Variants in ADORA1 observed in about 807,000 individuals in gnomAD.
The protein encoded by ADORA1 is adenosine receptor A1.
Under a neutral mutation model 19.9 loss-of-function variants are expected in ADORA1, and 6 were observed. The observed-to-expected ratio is 0.30, with a 90% CI of 0.17 to 0.59. ADORA1 has a LOEUF of 0.59. Ranked by LOEUF, ADORA1 falls within the 20% of genes least tolerant of loss-of-function variation. The pLI, the probability that ADORA1 is intolerant of heterozygous loss-of-function variation, is 0.87. For synonymous variants in ADORA1, 194 were observed against 188.4 expected, an observed-to-expected ratio of 1.03 and a Z score of -0.24; for missense variants, 302 against 439.2, an observed-to-expected ratio of 0.69 and a Z score of 2.79.
intron 3 of ADORA1, among the ~76,000 whole-genome samples, chr1:203,140,302 C>G (rs1482520917): frequency 6.6e-6 from 1 of 152,000 alleles, no homozygotes; most frequent in South Asian, 2.1e-4. Flanking sequence ...ATGGACAGAA[C>G]TGGAAAGATT....
At chr1:203,144,095 C>CAG (rs988986885) in intron 3 of ADORA1, among the ~76,000 whole-genome samples, 3 of 151,496 alleles carry the variant, frequency 2.0e-5, no homozygotes, top group Admixed American at 2.0e-4. Flanking sequence ...CACACACACA[C>CAG]ACACACACAC....
intron 3 of ADORA1, among the ~76,000 whole-genome samples, chr1:203,146,767 G>C (rs767705697): frequency 2.4e-4 from 36 of 152,378 alleles, no homozygotes; most frequent in Admixed American, 1.2e-3. Context: ...CTGGCCTGCT[G>C]CCTGGGTTCC....
At chr1:203,138,703 T>C (rs753196333) in intron 3 of ADORA1, among the ~76,000 whole-genome samples, 10 of 152,076 alleles carry the variant, frequency 6.6e-5, no homozygotes, top group Non-Finnish European at 4.4e-5. Flanking sequence ...AGGACTGGGA[T>C]TGAAGGCAGG....
chr1:203,128,368 G>C lies in ADORA1; in HGVS notation c.-122G>C. On this transcript the variant is annotated 5_prime_UTR_variant, in exon 2 of 4. Coordinates refer to ENST00000337894, the MANE Select transcript of ADORA1 (RefSeq NM_000674.3). The surrounding 1 kb of genome is among the most constrained non-coding windows in gnomAD (Gnocchi z 5.9). ...AGCCCAGCCCTACCGCGCGCGGCCC[G>C]GAGCTCTGTTCCCTGGAACTTTGGG... The C allele has an allele frequency of 3.9e-6, 5 of 1,290,336 alleles. No individual in the cohort carries two copies. The highest frequency in any genetic ancestry group is 5.1e-6 in the Non-Finnish European group (5 of 989,422). The allele number at this position is 1,290,336 out of a possible 1,614,324, so 79.9% of individuals were successfully genotyped here. A position where few individuals can be genotyped will look rare whatever the true frequency, so the allele number is the denominator to read the frequency against.
At chr1:203,154,357 T>A (rs1010577105) in intron 3 of ADORA1, among the ~76,000 whole-genome samples, 2 of 152,092 alleles carry the variant, frequency 1.3e-5, no homozygotes, top group African/African-American at 4.8e-5. Flanking sequence ...ACTGTCTGAG[T>A]CTAACCAGGA....
At chr1:203,135,615 G>A (rs902722926) in intron 3 of ADORA1, among the ~76,000 whole-genome samples, 8 of 150,520 alleles carry the variant, frequency 5.3e-5, no homozygotes, top group Non-Finnish European at 1.0e-4. Flanking sequence ...CTGAGATCAT[G>A]CCACTGCACT....
intron 3 of ADORA1, among the ~76,000 whole-genome samples, chr1:203,148,973 G>A (rs538877351): frequency 6.6e-6 from 1 of 152,208 alleles, no homozygotes; most frequent in East Asian, 1.9e-4. Context: ...CGCCGCCCGG[G>A]TTCAAGCGAT....
At chr1:203,153,049 A>G (rs148759006) in intron 3 of ADORA1, among the ~76,000 whole-genome samples, 173 of 152,198 alleles carry the variant, frequency 1.1e-3, no homozygotes, top group African/African-American at 3.8e-3. Flanking sequence ...AGAACCACTG[A>G]GCAAATCCAA....
intron 3 of ADORA1, among the ~76,000 whole-genome samples, chr1:203,161,133 A>C (rs1469734607): frequency 1.3e-5 from 2 of 152,186 alleles, no homozygotes; most frequent in Non-Finnish European, 2.9e-5. Flanking sequence ...TCTTGCCAAC[A>C]CTGAGAGGTT....
chr1:203,135,426 A>G (rs974834216), intron 3 of ADORA1, among the ~76,000 whole-genome samples: 9 of 152,198 alleles, frequency 5.9e-5, no homozygotes, highest in African/African-American at 2.2e-4. Context: ...TGGGAGCCCG[A>G]GGCAGGCAGA....
At chr1:203,159,327 T>C (rs937540257) in intron 3 of ADORA1, among the ~76,000 whole-genome samples, 5 of 152,216 alleles carry the variant, frequency 3.3e-5, no homozygotes, top group Admixed American at 2.6e-4. Flanking sequence ...CTTCCCCTCG[T>C]ACTTAGGATA....
intron 3 of ADORA1, among the ~76,000 whole-genome samples, chr1:203,155,973 T>C (rs968047851): frequency 3.3e-5 from 5 of 152,248 alleles, no homozygotes; most frequent in African/African-American, 1.2e-4. Flanking sequence ...TCCTTATCTC[T>C]TGTTCCCTGA....
At chr1:203,137,228 A>T (rs912123559) in intron 3 of ADORA1, among the ~76,000 whole-genome samples, 2 of 152,210 alleles carry the variant, frequency 1.3e-5, no homozygotes, top group Admixed American at 6.5e-5. Context: ...AGGGCATGCC[A>T]TGCAGGGGAA....
chr1:203,146,836 G>A (rs76620783), intron 3 of ADORA1, among the ~76,000 whole-genome samples: 175 of 152,300 alleles, frequency 1.1e-3, no homozygotes, highest in African/African-American at 4.2e-3. Flanking sequence ...CAAGTGCAGG[G>A]GAGCTACCTC....
At chr1:203,147,322 CCT>C (rs1654889857) in intron 3 of ADORA1, among the ~76,000 whole-genome samples, 1 of 151,900 alleles carries the variant, frequency 6.6e-6, no homozygotes, top group Non-Finnish European at 1.5e-5. Context: ...CCTTTTTTTT[CCT>C]CGTATCGGGG....
At chr1:203,152,948 G>C (rs3766557) in intron 3 of ADORA1, among the ~76,000 whole-genome samples, 35,389 of 152,084 alleles carry the variant, frequency 0.23, 4,392 homozygotes, top group Non-Finnish European at 0.28. Flanking sequence ...AAGGGATGAG[G>C]TTCAGAGGCA....
intron 3 of ADORA1, among the ~76,000 whole-genome samples, chr1:203,133,449 T>G (rs1259672719): frequency 1.3e-5 from 2 of 152,226 alleles, no homozygotes; most frequent in Admixed American, 1.3e-4. Flanking sequence ...AATTGAGGGC[T>G]GAGGCTTGGG....
intron 3 of ADORA1, among the ~76,000 whole-genome samples, chr1:203,145,591 C>T (rs1171226026): frequency 6.6e-6 from 1 of 152,222 alleles, no homozygotes; most frequent in Non-Finnish European, 1.5e-5. Flanking sequence ...GTCTGGCTGG[C>T]TGAGCCAGTC....
chr1:203,136,849 A>C (rs565538335), intron 3 of ADORA1, among the ~76,000 whole-genome samples: 1 of 152,236 alleles, frequency 6.6e-6, no homozygotes, highest in African/African-American at 2.4e-5. Flanking sequence ...AGACCTACTC[A>C]TTCATTAATT....
Sources: gnomAD v4.1 joint callset for allele counts (sites outside exome capture counted in the v4.1 genomes callset) on GRCh38, gnomAD v4.1.1 for gene constraint, Gnocchi (gnomAD v3.1) non-coding constraint, MANE v1.5 for transcripts, NCBI Gene and HGNC (gene_info 2026-07-23, HGNC 2026-07-21) for gene names.